The following OSMR variants were observed in gnomAD, a reference collection of about 807,000 sequenced individuals.
OSMR encodes the protein oncostatin-M-specific receptor subunit beta.
Under a neutral mutation model 99.9 loss-of-function variants are expected in OSMR, and 81 were observed. The observed-to-expected ratio is 0.81, with a 90% CI of 0.68 to 0.97. The LOEUF (loss-of-function observed/expected upper bound fraction) is 0.97, where lower values mean the gene tolerates loss of function less well. Ranked by LOEUF, OSMR falls within the 50% of genes least tolerant of loss-of-function variation. OSMR has a pLI of 0.00. For missense variants in OSMR, 1,099 were observed against 1,153.4 expected, an observed-to-expected ratio of 0.95 and a Z score of 0.68; for synonymous variants, 406 against 410.4, an observed-to-expected ratio of 0.99 and a Z score of 0.13.
intron 2 of OSMR, 38 bp downstream of exon 2, chr5:38,869,155 T>C (rs1375068137): frequency 1.4e-6 from 2 of 1,436,950 alleles, no homozygotes; most frequent in African/African-American, 2.8e-5. Context: ...AAAAATCACG[T>C]CGGGAACAAA....
At chr5:38,847,343 G>C (rs1451607285) in intron 1 of OSMR, among the ~76,000 whole-genome samples, 1 of 152,158 alleles carries the variant, frequency 6.6e-6, no homozygotes, top group African/African-American at 2.4e-5. Flanking sequence ...CTTCACGGGT[G>C]AGGCGGGTAC....
intron 14 of OSMR, 105 bp downstream of exon 14, chr5:38,924,700 C>A: frequency 1.0e-6 from 1 of 1,004,328 alleles, no homozygotes; most frequent in South Asian, 1.3e-5. Context: ...GCTGAATTCC[C>A]TTCTTGCATG....
chr5:38,904,942 G>T (rs1024434076), intron 9 of OSMR, among the ~76,000 whole-genome samples: 1 of 152,156 alleles, frequency 6.6e-6, no homozygotes, highest in Non-Finnish European at 1.5e-5. Flanking sequence ...ATTTGTTCCG[G>T]TGATGCCACA....
intron 4 of OSMR, 191 bp from the exon 5 acceptor site, chr5:38,883,636 A>G (rs1394209491): frequency 6.6e-6 from 6 of 904,738 alleles, no homozygotes; most frequent in Non-Finnish European, 6.6e-6. Context: ...CAGTGTAACA[A>G]TAGGAGCAGT....
Position 38,921,673 on chromosome 5 carries a change from A to T in OSMR, c.1644A>T (p.Lys548Asn). Residue 548 changes from lysine (K) to asparagine (N), a missense_variant, in exon 12 of 18, where the codon AAA becomes AAT. Lys to Asn is a moderately conservative substitution (Grantham distance 94, BLOSUM62 0). Transcript: ENST00000274276. ...GTEGGFSLSW[K>N]PQPGDVIGYV... is the part of the protein sequence containing the mutation. ...AGGGTGGATTCTCTCTGTCTTGGAA[A>T]CCCCAACCTGGAGATGTTATAGGCT... 1 of 1,613,856 alleles carries T rather than the reference A, an allele frequency of 6.2e-7. No homozygotes were observed. Among genetic ancestry groups the T allele is most frequent in the African/African-American group, 1.3e-5 (1 of 74,922 alleles).
At chr5:38,939,335 T>C (rs561013609), downstream of OSMR, 147 of 232,462 alleles carry the variant, frequency 6.3e-4, no homozygotes, top group Middle Eastern at 1.3e-3. Flanking sequence ...AAAGGACTTG[T>C]ACACATTATG....
intron 7 of OSMR, among the ~76,000 whole-genome samples, chr5:38,889,547 A>G (rs1435428000): frequency 6.6e-6 from 1 of 151,808 alleles, no homozygotes; most frequent in African/African-American, 2.4e-5. Flanking sequence ...GCTAAATCTG[A>G]TTTATATTGT....
intron 3 of OSMR, 21 bp downstream of exon 3, chr5:38,876,394 A>C (rs762327527): frequency 1.9e-6 from 3 of 1,598,120 alleles, no homozygotes; most frequent in Non-Finnish European, 2.6e-6. Context: ...TTTTTGGCTC[A>C]ATATTTAAAA....
rs765244842 is a variant in OSMR, at chr5:38,884,021, T to G, written c.613T>G (p.Phe205Val). Residue 205 changes from phenylalanine (F) to valine (V), a missense_variant, in exon 5 of 18, where the codon TTC becomes GTC. Phe to Val is a conservative substitution (Grantham distance 50, BLOSUM62 -1). Transcript: ENST00000274276. ...TGCATTCAACTTGAATAGTGTGCCT[T>G]TCATTAGGAATAAAGGGACAAATAT... ...VTAFNLNSVPFIRNKGTNIYC... is the reference protein window; with the variant it reads ...VTAFNLNSVPVIRNKGTNIYC... 6.2e-7 allele frequency: 1 copy of G among 1,613,846 alleles called. No individual in the cohort carries two copies. Among genetic ancestry groups the G allele is most frequent in the African/African-American group, 1.3e-5 (1 of 75,056 alleles).
At chr5:38,905,927 G>T (rs113642158) in intron 9 of OSMR, among the ~76,000 whole-genome samples, 5,776 of 152,190 alleles carry the variant, frequency 0.038, 135 homozygotes, top group South Asian at 0.09. Context: ...CTAATTTGGG[G>T]GTAGTGGGCA....
chr5:38,871,289 T>G (rs2112263732), intron 2 of OSMR, among the ~76,000 whole-genome samples: 1 of 152,378 alleles, frequency 6.6e-6, no homozygotes, highest in African/African-American at 2.4e-5. Context: ...GCTCTGCTGC[T>G]CATGCTTTCA....
intron 7 of OSMR, among the ~76,000 whole-genome samples, chr5:38,900,514 C>G (rs1420698317): frequency 6.6e-6 from 1 of 151,950 alleles, no homozygotes; most frequent in Non-Finnish European, 1.5e-5. Flanking sequence ...TTCTGAGATA[C>G]CAGTATGCCA....
rs1743731024 is a variant in OSMR, at chr5:38,886,077, G to C, written c.878G>C (p.Trp293Ser). ...AAGAAACTTTGTACACACAAAAACT[G>C]GTGTAATTGGCAAATAACTCAAGAC... ...GEKKLCTHKN[W>S]CNWQITQDSQ... The change falls in exon 7 of 18, where the codon TGG (tryptophan) becomes TCG (serine). Residue 293 changes from tryptophan (W) to serine (S), a missense_variant. Coordinates refer to ENST00000274276, the MANE Select transcript of OSMR (RefSeq NM_003999.3). 2 of 1,613,302 alleles carry C rather than the reference G, an allele frequency of 1.2e-6. No individual in the cohort carries two copies. Among genetic ancestry groups the C allele is most frequent in the South Asian group, 1.1e-5 (1 of 90,804 alleles).
intron 14 of OSMR, 90 bp from the exon 15 acceptor site, chr5:38,925,114 A>AT: frequency 6.3e-7 from 1 of 1,574,858 alleles, no homozygotes; most frequent in Admixed American, 1.9e-5. Context: ...TAACAAGAGC[A>AT]TTAGTGTCCA....
intron 2 of OSMR, among the ~76,000 whole-genome samples, chr5:38,873,001 G>A (rs1477549736): frequency 1.3e-5 from 2 of 152,130 alleles, no homozygotes; most frequent in East Asian, 3.9e-4. Context: ...AGCAATATTA[G>A]TACATTCACA....
intron 15 of OSMR, among the ~76,000 whole-genome samples, chr5:38,928,199 C>T (rs950576451): frequency 2.0e-5 from 3 of 152,166 alleles, no homozygotes; most frequent in African/African-American, 7.2e-5. Flanking sequence ...TCCAAACTTT[C>T]CCACATCTTC....
At position 38,945,071 on chromosome 5, in the gene OSMR, G is replaced by A. The variant is rs376583904; in HGVS notation, c.*212G>A. The A allele has an allele frequency of 5.7e-6, 9 of 1,579,788 alleles. No homozygotes were observed. The East Asian group carries it at 1.1e-4, about 20-fold the overall frequency. On this transcript the variant is annotated 3_prime_UTR_variant and NMD_transcript_variant, in exon 3 of 3. Coordinates refer to the OSMR transcript ENST00000508882. Reference sequence around the variant, plus strand: ...AGAATATGGAATATCTTGAAAGTCTGAAGAAAAAAATAATTATTTCAATTA... The same window carrying A: ...AGAATATGGAATATCTTGAAAGTCTAAAGAAAAAAATAATTATTTCAATTA...
In OSMR at chr5:38,886,168, C is replaced by T. The variant is rs1334576843; in HGVS notation, c.969C>T (p.Ile323=). The change falls in exon 7 of 18, where the codon ATC becomes ATT. Residue 323 remains isoleucine (I), a synonymous_variant. Coordinates refer to ENST00000274276, the MANE Select transcript of OSMR (RefSeq NM_003999.3). ...ENYLRKRSVN[I]LFNLTHRVYL... is the part of the protein sequence containing the mutation. ...ACTTAAGGAAGAGAAGTGTCAATAT[C>T]CTTTTTAACCTGACTCATCGAGGTG... The T allele has an allele frequency of 6.2e-7, 1 of 1,614,064 alleles. No individual in the cohort carries two copies. The highest frequency in any genetic ancestry group is 8.5e-7 in the Non-Finnish European group (1 of 1,179,922).
intron 9 of OSMR, among the ~76,000 whole-genome samples, chr5:38,915,649 GAATTT>G (rs2112614277): frequency 6.6e-6 from 1 of 152,238 alleles, no homozygotes; most frequent in East Asian, 1.9e-4. Flanking sequence ...TTAGATACTT[GAATTT>G]AATTCAGTTA....
Sources: allele counts gnomAD v4.1 joint callset (sites outside exome capture counted in the v4.1 genomes callset), GRCh38; gene constraint gnomAD v4.1.1; transcripts MANE v1.5; gene names NCBI Gene and HGNC (gene_info 2026-07-23, HGNC 2026-07-21).